The following KIAA1755 variants were observed in gnomAD, a reference collection of about 807,000 sequenced individuals.
KIAA1755 encodes the protein uncharacterized protein KIAA1755.
Under a neutral mutation model 91.7 loss-of-function variants are expected in KIAA1755, and 68 were observed. That is an observed-to-expected ratio of 0.74 (90% CI 0.61 to 0.91). The LOEUF (loss-of-function observed/expected upper bound fraction) is 0.91. Ranked by LOEUF, KIAA1755 falls within the 40% of genes least tolerant of loss-of-function variation. The pLI is 0.00. For missense variants in KIAA1755, 1,535 were observed against 1,494.4 expected (o/e 1.03, Z -0.45); for synonymous variants, 610 against 604.6 (o/e 1.01, Z -0.13).
intron 4 of KIAA1755, among the ~76,000 whole-genome samples, chr20:38,232,624 T>A (rs2075888436): frequency 2.0e-5 from 3 of 147,116 alleles, no homozygotes. Flanking sequence ...TGAGACTCTG[T>A]CTCAGAAAAA....
intron 1 of KIAA1755, among the ~76,000 whole-genome samples, chr20:38,258,810 G>A (rs1171645382): frequency 6.6e-6 from 1 of 152,174 alleles, no homozygotes; most frequent in Admixed American, 6.5e-5. Context: ...AAACAGGCAA[G>A]GGAAGGAAAT....
chr20:38,248,112 C>G (rs1016742257), intron 1 of KIAA1755, among the ~76,000 whole-genome samples: 1 of 152,128 alleles, frequency 6.6e-6, no homozygotes, highest in African/African-American at 2.4e-5. Flanking sequence ...GCCTGTAATC[C>G]CAGCTACTCG....
rs1568764932 is a variant in KIAA1755 at position 38,241,524 on chromosome 20, G to T, written c.607C>A (p.Pro203Thr). 1.2e-6 allele frequency: 2 copies of T among 1,614,222 alleles called. No individual in the cohort carries two copies. The highest frequency in any genetic ancestry group is 2.2e-5 in the South Asian group (2 of 91,082). The change falls in exon 3 of 14, where the codon CCC (proline) becomes ACC (threonine). Residue 203 changes from proline (P) to threonine (T), a missense_variant. Physicochemically the swap from Pro to Thr is conservative, Grantham distance 38. Coordinates refer to ENST00000279024, the MANE Select transcript of KIAA1755 (RefSeq NM_001029864.2). The part of the protein sequence containing the change: ...VVNALCQAWG[P>T]LPLEALDLSS... ...AAATCCAGTGCCTCTAATGGAAGGG[G>T]CCCCCAGGCTTGGCAGAGGGCATTC...
At chr20:38,224,908 C>T (rs1042484948) in intron 8 of KIAA1755, among the ~76,000 whole-genome samples, 1 of 152,206 alleles carries the variant, frequency 6.6e-6, no homozygotes, top group African/African-American at 2.4e-5. Flanking sequence ...TGCCTTATTT[C>T]CTCCCTCTTA....
chr20:38,257,305 G>A (rs2037503831), intron 1 of KIAA1755, among the ~76,000 whole-genome samples: 1 of 152,188 alleles, frequency 6.6e-6, no homozygotes, highest in Non-Finnish European at 1.5e-5. Flanking sequence ...AACTTGGCTA[G>A]GGTGGTGGCT....
intron 11 of KIAA1755, among the ~76,000 whole-genome samples, chr20:38,218,853 C>T (rs557552378): frequency 1.3e-5 from 2 of 152,280 alleles, no homozygotes; most frequent in East Asian, 1.9e-4. Context: ...GCCACTCCCC[C>T]TTTCTGGGCC....
chr20:38,224,456 T>A (rs1187809843), intron 8 of KIAA1755, among the ~76,000 whole-genome samples: 5 of 152,192 alleles, frequency 3.3e-5, no homozygotes, highest in Non-Finnish European at 7.4e-5. Context: ...CACACAATTT[T>A]AAAAAGATCA....
intron 1 of KIAA1755, among the ~76,000 whole-genome samples, chr20:38,253,531 C>T (rs1042253914): frequency 1.3e-5 from 2 of 152,166 alleles, no homozygotes; most frequent in Non-Finnish European, 2.9e-5. Flanking sequence ...AGCCAACTCT[C>T]CCACCCCTGA....
chr20:38,256,045 G>C (rs1600666537), intron 1 of KIAA1755, among the ~76,000 whole-genome samples: 1 of 152,134 alleles, frequency 6.6e-6, no homozygotes, highest in African/African-American at 2.4e-5. Flanking sequence ...TATGGGCTGG[G>C]TATTTTTATT....
At chr20:38,234,536 C>T (rs1600613208) in intron 4 of KIAA1755, among the ~76,000 whole-genome samples, 2 of 152,314 alleles carry the variant, frequency 1.3e-5, no homozygotes, top group East Asian at 1.9e-4. Context: ...TAGAGCAACA[C>T]CTCTCAAACT....
At chr20:38,215,945 T>C (rs2075536271) in intron 13 of KIAA1755, among the ~76,000 whole-genome samples, 1 of 152,232 alleles carries the variant, frequency 6.6e-6, no homozygotes, top group South Asian at 2.1e-4. Context: ...TGGTCTGGGT[T>C]TGAATCTCTG....
chr20:38,244,024 G>C (rs1246219747), intron 2 of KIAA1755, among the ~76,000 whole-genome samples: 1 of 152,204 alleles, frequency 6.6e-6, no homozygotes, highest in African/African-American at 2.4e-5. Flanking sequence ...TCTGAACCCA[G>C]AAGCCATCCT....
At chr20:38,249,566 A>G (rs2076212129) in intron 1 of KIAA1755, among the ~76,000 whole-genome samples, 1 of 152,180 alleles carries the variant, frequency 6.6e-6, no homozygotes, top group Non-Finnish European at 1.5e-5. Context: ...GGGGACCGCC[A>G]TCACTATTTG....
Position 38,232,584 on chromosome 20 carries a change from C to T in KIAA1755, c.1748-1259G>A, listed in dbSNP as rs1045674069. Among the ~76,000 whole-genome samples the T allele has an allele frequency of 1.8e-4, 27 of 150,052 alleles. 1 individual carries two copies. Among genetic ancestry groups the T allele is most frequent in the Non-Finnish European group, 3.7e-4 (25 of 67,748 alleles). On this transcript the variant is annotated intron_variant, in intron 4 of 13. Transcript: ENST00000279024. ...TGGAGCTTGCAGTGAGCCGAGATCT[C>T]GCCACTGCACTCCAGCCTGGGCGAC...
In KIAA1755 at chr20:38,218,243, C is replaced by T. The variant is rs1222076054; in HGVS notation, c.2679+1G>A. The T allele has an allele frequency of 6.2e-7, 1 of 1,614,104 alleles. No homozygotes were observed. Among genetic ancestry groups the T allele is most frequent in the Non-Finnish European group, 8.5e-7 (1 of 1,180,062 alleles). ...CTGCTCCTCTGTTGTCTGGAACGCA[C>T]TGCAGCCTGGAGGAAGAAGTTCTCA... On this transcript the variant is annotated splice_donor_variant, in intron 12 of 13. Transcript: ENST00000279024. LOFTEE classifies it high-confidence loss of function.
chr20:38,232,629 G>GA (rs1310300076), intron 4 of KIAA1755, among the ~76,000 whole-genome samples: 6,437 of 94,300 alleles, frequency 0.068, 178 homozygotes, highest in Middle Eastern at 0.22. Context: ...CTCTGTCTCA[G>GA]AAAAAAAAAA....
At chr20:38,257,148 A>T (rs1319214265) in intron 1 of KIAA1755, among the ~76,000 whole-genome samples, 1 of 152,190 alleles carries the variant, frequency 6.6e-6, no homozygotes, top group Non-Finnish European at 1.5e-5. Context: ...GCCTAGAATT[A>T]TCTGTGGATG....
chr20:38,218,589 G>A (rs886112764), intron 11 of KIAA1755, among the ~76,000 whole-genome samples: 1 of 152,218 alleles, frequency 6.6e-6, no homozygotes, highest in African/African-American at 2.4e-5. Flanking sequence ...GACCCTGGAG[G>A]GCATCTGGCC....
rs570091898 is a variant in KIAA1755, at chr20:38,241,134, C to T, written c.997G>A (p.Gly333Arg). The T allele has an allele frequency of 2.5e-6, 4 of 1,614,088 alleles. No individual in the cohort carries two copies. The African/African-American group carries it at 5.3e-5, about 22-fold the overall frequency. ...TCTGGCTTTGTGCAAGCCCGATTTCCCAAGGAAGGTCCTTCATTGGCCTCT... is the reference window on the plus strand; with the variant it reads ...TCTGGCTTTGTGCAAGCCCGATTTCTCAAGGAAGGTCCTTCATTGGCCTCT... ...LSEANEGPSL[G>R]NRACTKPESS... The change falls in exon 3 of 14, where the codon GGA becomes AGA. Residue 333 changes from glycine to arginine, a missense_variant. Transcript: ENST00000279024.
Sources: gnomAD v4.1 joint callset for allele counts (sites outside exome capture counted in the v4.1 genomes callset) on GRCh38, gnomAD v4.1.1 for gene constraint, MANE v1.5 for transcripts, NCBI Gene and HGNC (gene_info 2026-07-23, HGNC 2026-07-21) for gene names.